The following HSF2BP variants were observed in gnomAD, a reference collection of about 807,000 sequenced individuals.
HSF2BP encodes heat shock factor 2-binding protein.
A neutral mutation model predicts 35.0 loss-of-function variants in HSF2BP; 35 were observed. The ratio of observed to expected loss-of-function variants is 1.00; its 90% CI spans 0.76 to 1.32. The LOEUF is 1.32. Ranked by LOEUF, HSF2BP falls within the 40% of genes most tolerant of loss-of-function variation. The pLI is 0.00. For synonymous variants in HSF2BP, 114 were observed against 117.4 expected (o/e 0.97, Z 0.18); for missense variants, 326 against 321.7 (o/e 1.01, Z -0.10).
At chr21:43,654,591 T>C (rs2082840401) in intron 3 of HSF2BP, among the ~76,000 whole-genome samples, 1 of 152,214 alleles carries the variant, frequency 6.6e-6, no homozygotes, top group Admixed American at 6.5e-5. Context: ...CAAAGAGCCA[T>C]AAACCTCACT....
intron 8 of HSF2BP, among the ~76,000 whole-genome samples, chr21:43,572,976 G>A (rs1437510830): frequency 6.6e-6 from 1 of 152,216 alleles, no homozygotes; most frequent in Non-Finnish European, 1.5e-5. Flanking sequence ...AAATCTGTGA[G>A]AGTGAGAAGT....
chr21:43,602,280 A>G (rs781471161), intron 7 of HSF2BP, among the ~76,000 whole-genome samples: 1 of 152,242 alleles, frequency 6.6e-6, no homozygotes, highest in Non-Finnish European at 1.5e-5. Context: ...CACTTCTAGA[A>G]GCATCTTCGA....
chr21:43,596,481 T>C (rs2081988902), intron 7 of HSF2BP, among the ~76,000 whole-genome samples: 3 of 151,828 alleles, frequency 2.0e-5, no homozygotes, highest in Admixed American at 2.0e-4. Flanking sequence ...GGACTAACCC[T>C]CCACCAATAA....
intron 4 of HSF2BP, among the ~76,000 whole-genome samples, chr21:43,642,896 T>C (rs950001862): frequency 6.8e-6 from 1 of 147,444 alleles, no homozygotes; most frequent in Non-Finnish European, 1.5e-5. Context: ...ACCTCCCAGG[T>C]TCAAGCAATT....
At position 43,613,837 on chromosome 21, in the gene HSF2BP, G is replaced by A; in HGVS notation, c.685C>T (p.Leu229Phe). Residue 229 changes from leucine (L) to phenylalanine (F), a missense_variant, in exon 7 of 9, where the codon CTC becomes TTC. By Grantham distance (22) the Leu-to-Phe change is conservative. Coordinates refer to ENST00000291560, the MANE Select transcript of HSF2BP (RefSeq NM_007031.2). ...GDLKPGQCTKLKVLMLMSLYN... is the reference protein window; with the variant it reads ...GDLKPGQCTKFKVLMLMSLYN... ...TAACATTATCCACCATACACTTTGA[G>A]TTTGGTACACTGTCCTGGCTTCAAG... The A allele has an allele frequency of 6.2e-7, 1 of 1,608,264 alleles. No individual in the cohort carries two copies. Among genetic ancestry groups the A allele is most frequent in the Non-Finnish European group, 8.5e-7 (1 of 1,174,734 alleles).
chr21:43,582,446 T>TGCGG (rs2081766038), intron 8 of HSF2BP, among the ~76,000 whole-genome samples: 1 of 142,640 alleles, frequency 7.0e-6, no homozygotes, highest in Non-Finnish European at 1.5e-5. Flanking sequence ...GAGTACCTGT[T>TGCGG]GAGGGAGATG....
chr21:43,585,447 T>C (rs1177027890), intron 8 of HSF2BP, among the ~76,000 whole-genome samples: 5 of 152,222 alleles, frequency 3.3e-5, no homozygotes, highest in Admixed American at 3.3e-4. Flanking sequence ...GGGAGACCTA[T>C]AGGAAGCTCT....
intron 4 of HSF2BP, 119 bp downstream of exon 4, chr21:43,644,170 A>G (rs1185586518): frequency 1.5e-6 from 1 of 675,804 alleles, no homozygotes; most frequent in African/African-American, 1.8e-5. Context: ...ATACATTTAC[A>G]AATACAATTT....
intron 2 of HSF2BP, 132 bp downstream of exon 2, chr21:43,657,929 G>A (rs1412926071): frequency 2.7e-6 from 4 of 1,490,090 alleles, no homozygotes; most frequent in Non-Finnish European, 3.6e-6. Flanking sequence ...CACGCCGTTA[G>A]GGGAGGAAGT....
chr21:43,605,741 TCCC>T (rs35449035), intron 7 of HSF2BP, among the ~76,000 whole-genome samples: 3 of 147,230 alleles, frequency 2.0e-5, no homozygotes, highest in African/African-American at 5.1e-5. Context: ...GACACCCACC[TCCC>T]CCCAACATAT....
rs756632936 is a variant in HSF2BP at position 43,643,786 on chromosome 21, G to A, written c.291+503C>T. On this transcript the variant is annotated intron_variant, in intron 4 of 8. Coordinates refer to ENST00000291560, the MANE Select transcript of HSF2BP (RefSeq NM_007031.2). Reference sequence around the variant, plus strand: ...ATCCTGGCTAACACAATGAAACCCCGTCTCTACTAAAAATACAAAAACTTA... The same window carrying A: ...ATCCTGGCTAACACAATGAAACCCCATCTCTACTAAAAATACAAAAACTTA... 2.6e-4 allele frequency among the ~76,000 whole-genome samples: 40 copies of A among 152,098 alleles called. No homozygotes were observed. The South Asian group carries it at 3.7e-3, about 14-fold the overall frequency.
At chr21:43,577,306 C>G (rs1179701944) in intron 8 of HSF2BP, among the ~76,000 whole-genome samples, 1 of 152,158 alleles carries the variant, frequency 6.6e-6, no homozygotes, top group Non-Finnish European at 1.5e-5. Context: ...ATCAATAAAT[C>G]TGGAATTGAC....
At position 43,658,179 on chromosome 21, in the gene HSF2BP, A is replaced by G. The variant is rs1298297606; in HGVS notation, c.-83T>C. The G allele has an allele frequency of 2.8e-6, 4 of 1,407,506 alleles. No homozygotes were observed. Among genetic ancestry groups the G allele is most frequent in the Middle Eastern group, 1.8e-4 (1 of 5,522 alleles). 87.2% of individuals were successfully genotyped at this position (1,407,506 alleles called of 1,614,324 possible). ...CGCCAGAAAGCGCGGGAACGAATCC[A>G]CGCCGGGGGTCGGGAACGGAGAGCC... is the stretch of plus-strand genomic sequence containing the variant. On this transcript the variant is annotated 5_prime_UTR_variant, in exon 2 of 9. Coordinates refer to ENST00000291560, the MANE Select transcript of HSF2BP (RefSeq NM_007031.2).
chr21:43,497,266 GAGA>G, the HSF2BP span, among the ~76,000 whole-genome samples: 1 of 113,804 alleles, frequency 8.8e-6, no homozygotes, highest in Non-Finnish European at 1.9e-5. Flanking sequence ...GATTTTTGAT[GAGA>G]GTATGAACAC....
intron 4 of HSF2BP, among the ~76,000 whole-genome samples, chr21:43,641,843 G>T (rs571987683): frequency 1.3e-5 from 2 of 150,756 alleles, no homozygotes; most frequent in African/African-American, 4.9e-5. Flanking sequence ...AGGTATCCAG[G>T]AGGTGGAGGT....
In HSF2BP at chr21:43,630,388, CG is replaced by C; in HGVS notation, c.507del (p.Asp169GlufsTer28). On this transcript the variant is annotated frameshift_variant, in exon 6 of 9. Transcript: ENST00000291560. LOFTEE classifies it high-confidence loss of function. ...TCCGAATCCAGCTCCTGGACATCACCGTCTAACGACTTCACAAAACTCTCCA... is the reference window on the plus strand; with the variant it reads ...TCCGAATCCAGCTCCTGGACATCACCTCTAACGACTTCACAAAACTCTCCA... The part of the protein sequence containing the change: ...QTMESFVKSL[D>X]GDVQELDSDE... 6.2e-7 allele frequency: 1 copy of C among 1,613,618 alleles called. No individual in the cohort carries two copies. Among genetic ancestry groups the C allele is most frequent in the Non-Finnish European group, 8.5e-7 (1 of 1,179,852 alleles).
At chr21:43,578,192 G>A (rs1479354078) in intron 8 of HSF2BP, among the ~76,000 whole-genome samples, 4 of 152,040 alleles carry the variant, frequency 2.6e-5, no homozygotes, top group Admixed American at 1.3e-4. Flanking sequence ...ACCCATCACC[G>A]GCACACAGTA....
At chr21:43,577,163 T>A (rs1197559966) in intron 8 of HSF2BP, among the ~76,000 whole-genome samples, 2 of 152,212 alleles carry the variant, frequency 1.3e-5, no homozygotes, top group African/African-American at 4.8e-5. Context: ...GTTCACCTCT[T>A]TATTTGCATT....
chr21:43,625,976 G>A (rs559832746), intron 6 of HSF2BP, among the ~76,000 whole-genome samples: 3 of 152,122 alleles, frequency 2.0e-5, no homozygotes, highest in Non-Finnish European at 4.4e-5. Context: ...ACGCCTTTGG[G>A]GTCACTTGCA....
Sources: allele counts gnomAD v4.1 joint callset (sites outside exome capture counted in the v4.1 genomes callset), GRCh38; gene constraint gnomAD v4.1.1; transcripts MANE v1.5; gene names NCBI Gene and HGNC (gene_info 2026-07-23, HGNC 2026-07-21).